The following ARHGEF11 variants were observed in gnomAD, a reference collection of about 807,000 sequenced individuals.
The protein encoded by ARHGEF11 is Rho guanine exchange factor (GEF) 11.
Under a neutral mutation model 193.7 loss-of-function variants are expected in ARHGEF11, and 55 were observed. The ratio of observed to expected loss-of-function variants is 0.28; its 90% CI spans 0.23 to 0.36. The LOEUF (loss-of-function observed/expected upper bound fraction) is 0.36, where lower values mean the gene tolerates loss of function less well. Ranked by LOEUF, ARHGEF11 falls within the 10% of genes least tolerant of loss-of-function variation. The pLI, the probability that ARHGEF11 is intolerant of heterozygous loss-of-function variation, is 1.00. For missense variants in ARHGEF11, 1,723 were observed against 2,005.6 expected (o/e 0.86, Z 2.69); for synonymous variants, 693 against 768.0 (o/e 0.90, Z 1.62).
At chr1:157,025,915 G>A (rs1670578182) in intron 1 of ARHGEF11, among the ~76,000 whole-genome samples, 1 of 152,202 alleles carries the variant, frequency 6.6e-6, no homozygotes, top group Admixed American at 6.5e-5. Flanking sequence ...TATAACAATA[G>A]ATGGAAACTG....
rs1659843397 is a variant in ARHGEF11 at position 156,955,651 on chromosome 1, C to T, written c.1768+52G>A. ...GCCAACATACTGGTACATGAAAGGG[C>T]TGAGGTCCCTGCCCAAGGAATGCCC... On this transcript the variant is annotated intron_variant, in intron 20 of 40. Coordinates refer to ENST00000368194, the MANE Select transcript of ARHGEF11 (RefSeq NM_198236.3). The T allele has an allele frequency of 1.1e-5, 16 of 1,428,086 alleles. No individual in the cohort carries two copies. The South Asian group carries it at 1.7e-4, about 15-fold the overall frequency. The allele number at this position is 1,428,086 out of a possible 1,614,324, so 88.5% of individuals were successfully genotyped here. A position where few individuals can be genotyped will look rare whatever the true frequency, so the allele number is the denominator to read the frequency against.
rs532957012 is a variant in ARHGEF11 at position 157,023,084 on chromosome 1, T to C, written c.32+21215A>G. 1.9e-3 allele frequency among the ~76,000 whole-genome samples: 297 copies of C among 152,320 alleles called. 2 individuals carry two copies. Among genetic ancestry groups the C allele is most frequent in the Non-Finnish European group, 3.5e-3 (236 of 68,030 alleles). On this transcript the variant is annotated intron_variant, in intron 1 of 40. Coordinates refer to ENST00000368194, the MANE Select transcript of ARHGEF11 (RefSeq NM_198236.3). ...GAGTAAATCTTCGTGACTTTTGAGG[T>C]AGGCAATGGTTTATCAGACATGACA...
rs760397642 is a variant in ARHGEF11, at chr1:156,948,276, C to T, written c.2105+43G>A. The T allele has an allele frequency of 6.2e-7, 1 of 1,607,438 alleles. No homozygotes were observed. The highest frequency in any genetic ancestry group is 8.5e-7 in the Non-Finnish European group (1 of 1,174,712). ...CAGCAACCCTCTATCCTTGCCGCCA[C>T]CCCTGAGATGTCCATGGGTGCAGCC... On this transcript the variant is annotated intron_variant, in intron 23 of 40. Transcript: ENST00000368194. This position sits in a 1 kb window ranked among gnomAD's most constrained non-coding sequence, Gnocchi z 4.2.
intron 1 of ARHGEF11, among the ~76,000 whole-genome samples, chr1:157,020,411 G>T (rs1221361095): frequency 6.6e-6 from 1 of 152,146 alleles, no homozygotes; most frequent in Non-Finnish European, 1.5e-5. Context: ...GCAGGTACTC[G>T]CTCTTTTTAG....
intron 1 of ARHGEF11, among the ~76,000 whole-genome samples, chr1:157,040,895 GAC>G (rs948893958): frequency 1.3e-5 from 2 of 152,126 alleles, no homozygotes; most frequent in Admixed American, 1.3e-4. Flanking sequence ...ATCCTCAAAT[GAC>G]ACACCATATA....
chr1:156,970,728 A>T (rs1177923337), intron 8 of ARHGEF11, among the ~76,000 whole-genome samples: 1 of 152,200 alleles, frequency 6.6e-6, no homozygotes, highest in East Asian at 1.9e-4. Context: ...GCAGCAGCAA[A>T]CATGTACAGC....
intron 1 of ARHGEF11, among the ~76,000 whole-genome samples, chr1:157,023,332 G>A (rs1165344845): frequency 6.6e-6 from 1 of 152,136 alleles, no homozygotes; most frequent in East Asian, 1.9e-4. Context: ...GGCAAAGGAC[G>A]TGAACAGATA....
rs753108641 is a variant in ARHGEF11, at chr1:156,944,041, T to G, written c.3129A>C (p.Leu1043=). 3 of 1,614,004 alleles carry G rather than the reference T, an allele frequency of 1.9e-6. No individual in the cohort carries two copies. Among genetic ancestry groups the G allele is most frequent in the Non-Finnish European group, 2.5e-6 (3 of 1,180,014 alleles). Residue 1043 remains leucine, a synonymous_variant, in exon 32 of 41, where the codon CTA becomes CTC. Transcript: ENST00000368194. ...CAGTCTTGCTGTGGCACTTCAGCAATAGCTTCTCATCCTGTTTCTGTAGCA... is the reference window on the plus strand; with the variant it reads ...CAGTCTTGCTGTGGCACTTCAGCAAGAGCTTCTCATCCTGTTTCTGTAGCA... ...LVLLQKQDEK[L]LLKCHSKTAV... is the part of the protein sequence containing the mutation.
chr1:156,944,582 G>A lies in ARHGEF11; in HGVS notation c.2992-149C>T, dbSNP rs975941063. On this transcript the variant is annotated intron_variant, in intron 30 of 40. Transcript: ENST00000368194. ...CCCTTACTCTCTTGTGCGGGATGAA[G>A]ACAAGCAAAAAGGTAACTGTGAAGT... 1.2e-4 allele frequency: 97 copies of A among 813,060 alleles called. No individual in the cohort carries two copies. In the African/African-American group the frequency reaches 1.3e-3, roughly 11 times the overall value. 50.4% of individuals were successfully genotyped at this position (813,060 alleles called of 1,614,324 possible). A position where few individuals can be genotyped will look rare whatever the true frequency, so the allele number is the denominator to read the frequency against.
chr1:156,973,767 T>C (rs555809100), intron 7 of ARHGEF11, among the ~76,000 whole-genome samples: 1 of 152,324 alleles, frequency 6.6e-6, no homozygotes, highest in East Asian at 1.9e-4. Context: ...CCTTCACCAA[T>C]GGATAAGTTC....
chr1:157,018,649 G>GAA (rs1052018208), intron 1 of ARHGEF11, among the ~76,000 whole-genome samples: 1 of 76,558 alleles, frequency 1.3e-5, no homozygotes, highest in Non-Finnish European at 2.9e-5. Flanking sequence ...GTCTCAAAAA[G>GAA]AAAAAAAAAA....
At chr1:157,001,868 T>C (rs1390215325) in intron 1 of ARHGEF11, among the ~76,000 whole-genome samples, 1 of 152,236 alleles carries the variant, frequency 6.6e-6, no homozygotes, top group Non-Finnish European at 1.5e-5. Context: ...TATAATTCCC[T>C]CTGTAGGTTT....
intron 1 of ARHGEF11, among the ~76,000 whole-genome samples, chr1:157,007,897 A>T (rs1275588910): frequency 1.1e-5 from 1 of 91,828 alleles, no homozygotes; most frequent in Non-Finnish European, 1.9e-5. Flanking sequence ...AAGAAGGCAA[A>T]GGTTTTTTTT....
chr1:157,038,439 A>C (rs1277902097), intron 1 of ARHGEF11, among the ~76,000 whole-genome samples: 1 of 152,224 alleles, frequency 6.6e-6, no homozygotes, highest in Non-Finnish European at 1.5e-5. Context: ...TAGTGACTTT[A>C]AGGCCTACGC....
Position 156,960,687 on chromosome 1 carries a change from C to T in ARHGEF11, c.1240-227G>A, listed in dbSNP as rs117177716. Among the ~76,000 whole-genome samples the T allele has an allele frequency of 4.3e-4, 66 of 152,256 alleles. No individual in the cohort carries two copies. The East Asian group carries it at 8.5e-3, about 20-fold the overall frequency. On this transcript the variant is annotated intron_variant, in intron 14 of 40. Transcript: ENST00000368194. ...GCAAGCTGGTACTATATTCTGAGGG[C>T]GGCACAGGCAGTTTTTTTCACTCTT... is the stretch of plus-strand genomic sequence containing the variant.
chr1:156,958,746 T>C lies in ARHGEF11; in HGVS notation c.1498A>G (p.Ile500Val). 6.2e-7 allele frequency: 1 copy of C among 1,614,042 alleles called. No homozygotes were observed. Among genetic ancestry groups the C allele is most frequent in the Non-Finnish European group, 8.5e-7 (1 of 1,180,022 alleles). ...GGAGGAAGCTGAAAGACTCACAAAA[T>C]ATCTCCAAGGGCAGCCAGCTGCTTC... ...AEKQLAALGD[I>V]LSKYEEDRSA... Residue 500 changes from isoleucine (I) to valine (V), a missense_variant, in exon 17 of 41, where the codon ATT (isoleucine) becomes GTT (valine). By Grantham distance (29) the Ile-to-Val change is conservative. Around this residue, in one of 5 missense-constraint regions of ARHGEF11, gnomAD observed 646 missense variants for 710.7 expected, o/e 0.91. Coordinates refer to ENST00000368194, the MANE Select transcript of ARHGEF11 (RefSeq NM_198236.3).
At chr1:156,971,484 T>C (rs879290392) in intron 8 of ARHGEF11, among the ~76,000 whole-genome samples, 1 of 152,242 alleles carries the variant, frequency 6.6e-6, no homozygotes, top group Non-Finnish European at 1.5e-5. Context: ...GGGCAAGAAA[T>C]AGGCTTTTTC....
intron 18 of ARHGEF11, among the ~76,000 whole-genome samples, chr1:156,957,228 A>G (rs1660077798): frequency 6.6e-6 from 1 of 152,186 alleles, no homozygotes; most frequent in African/African-American, 2.4e-5. Context: ...TTTCCCTCTT[A>G]AACAGACTCC....
chr1:156,998,702 A>G (rs934524058), intron 1 of ARHGEF11, among the ~76,000 whole-genome samples: 11 of 152,184 alleles, frequency 7.2e-5, no homozygotes, highest in Non-Finnish European at 1.3e-4. Flanking sequence ...GAAACACAAA[A>G]TCAAGTCTTG....
Sources: gnomAD v4.1 joint callset for allele counts (sites outside exome capture counted in the v4.1 genomes callset) on GRCh38, gnomAD v4.1.1 for gene constraint, gnomAD v4.1.1 regional missense constraint, Gnocchi (gnomAD v3.1) non-coding constraint, MANE v1.5 for transcripts, NCBI Gene and HGNC (gene_info 2026-07-23, HGNC 2026-07-21) for gene names.